The following MORN1 variants were observed in gnomAD, a reference collection of about 807,000 sequenced individuals.
MORN1 encodes the protein MORN repeat containing 1, also known as MORN repeat-containing protein 1.
In MORN1, 67 loss-of-function variants were observed where a neutral mutation model predicts 61.9. The observed-to-expected ratio is 1.08, with a 90% CI of 0.89 to 1.33. MORN1 has a LOEUF of 1.33. MORN1 is among the 40% of genes most tolerant of loss of function. MORN1 has a pLI of 0.00. For missense variants in MORN1, 752 were observed against 691.2 expected, an observed-to-expected ratio of 1.09 and a Z score of -0.99; for synonymous variants, 301 against 292.0, an observed-to-expected ratio of 1.03 and a Z score of -0.31.
intron 12 of MORN1, chr1:2,332,868 C>T (rs763467512): frequency 2.5e-4 from 97 of 381,542 alleles, no homozygotes; most frequent in Middle Eastern, 1.9e-3. Context: ...GGCTGCGCCT[C>T]GAGGGGCCAA....
chr1:2,333,971 G>A (rs934201819), intron 12 of MORN1, among the ~76,000 whole-genome samples: 1 of 152,188 alleles, frequency 6.6e-6, no homozygotes, highest in Non-Finnish European at 1.5e-5. Flanking sequence ...CTGGACGCTG[G>A]TTGGGGGAGC....
rs151302989 is a variant in MORN1, at chr1:2,388,282, G to C, written c.204C>G (p.Asp68Glu). The C allele has an allele frequency of 1.2e-6, 2 of 1,613,910 alleles. No individual in the cohort carries two copies. Among genetic ancestry groups the C allele is most frequent in the East Asian group, 2.2e-5 (1 of 44,878 alleles). The stretch of plus-strand genomic sequence containing the variant: ...GGCGGCCTTCTCCCGTGATCTCTCC[G>C]TCCACAAACGCCCCTTCGTAATAAC... ...DGSYYEGAFV[D>E]GEITGEGRRH... is the part of the protein sequence containing the mutation. The change falls in exon 3 of 14, where the codon GAC becomes GAG. Residue 68 changes from aspartate (D) to glutamate (E), a missense_variant. Transcript: ENST00000378531.
intron 6 of MORN1, chr1:2,378,703 G>A: frequency 1.1e-5 from 4 of 354,598 alleles, no homozygotes; most frequent in South Asian, 2.1e-5. Flanking sequence ...ACACACACGT[G>A]TGGCCTCTAC....
At chr1:2,322,466 G>C in intron 13 of MORN1, 1 of 985,380 alleles carries the variant, frequency 1.0e-6, no homozygotes, top group Non-Finnish European at 1.2e-6. Context: ...GCCAGGCCAC[G>C]GGCTCGGCCG....
chr1:2,342,565 C>T (rs899030501), intron 10 of MORN1, among the ~76,000 whole-genome samples: 1 of 152,192 alleles, frequency 6.6e-6, no homozygotes. Context: ...TCAGCGGGAA[C>T]ACGCGGGGGC....
chr1:2,366,412 G>A (rs1332645822), intron 8 of MORN1, among the ~76,000 whole-genome samples: 1 of 151,900 alleles, frequency 6.6e-6, no homozygotes, highest in African/African-American at 2.4e-5. Context: ...CACCAACATG[G>A]CACATGTATA....
At chr1:2,332,205 C>G (rs934815327) in intron 12 of MORN1, 2 of 198,942 alleles carry the variant, frequency 1.0e-5, no homozygotes, top group Non-Finnish European at 2.1e-5. Flanking sequence ...GCGGGGCTGC[C>G]TGTCCTCCTG....
In MORN1 at chr1:2,324,138, T is replaced by C; in HGVS notation, c.1256A>G (p.Glu419Gly). The C allele has an allele frequency of 6.3e-7, 1 of 1,599,016 alleles. No individual in the cohort carries two copies. The change falls in exon 13 of 14, where the codon GAG (glutamate) becomes GGG (glycine). Residue 419 changes from glutamate (E) to glycine (G), a missense_variant. By Grantham distance (98) the Glu-to-Gly change is moderately conservative. Coordinates refer to ENST00000378531, the MANE Select transcript of MORN1 (RefSeq NM_024848.3). ...AQEPPGGSRP[E>G]GRATEEQAAA... Reference sequence around the variant, plus strand: ...AGCCTGCTCCTCCGTGGCTCTCCCCTCAGGCCTGTGGAGACGACACAGTGA... The same window carrying C: ...AGCCTGCTCCTCCGTGGCTCTCCCCCCAGGCCTGTGGAGACGACACAGTGA...
intron 10 of MORN1, among the ~76,000 whole-genome samples, chr1:2,356,724 TG>T (rs1438115648): frequency 6.6e-6 from 1 of 152,204 alleles, no homozygotes; most frequent in African/African-American, 2.4e-5. Flanking sequence ...CACACTGTGC[TG>T]CGCGGGAGGG....
chr1:2,324,775 G>T (rs899365183), intron 12 of MORN1, among the ~76,000 whole-genome samples: 4 of 151,936 alleles, frequency 2.6e-5, no homozygotes, highest in African/African-American at 7.2e-5. Context: ...GGCAGTCTCT[G>T]GGGGGGCCCA....
chr1:2,324,158 C>T lies in MORN1; in HGVS notation c.1251-15G>A, dbSNP rs1380084282. 2 of 1,592,446 alleles carry T rather than the reference C, an allele frequency of 1.3e-6. No homozygotes were observed. The highest frequency in any genetic ancestry group is 1.7e-6 in the Non-Finnish European group (2 of 1,170,808). On this transcript the variant is annotated splice_polypyrimidine_tract_variant and intron_variant, in intron 12 of 13. Coordinates refer to ENST00000378531, the MANE Select transcript of MORN1 (RefSeq NM_024848.3). ...TCCCCTCAGGCCTGTGGAGACGACACAGTGAGGCCCCTGAATGCCCTGCCT... is the reference window on the plus strand; with the variant it reads ...TCCCCTCAGGCCTGTGGAGACGACATAGTGAGGCCCCTGAATGCCCTGCCT...
intron 3 of MORN1, 91 bp downstream of exon 3, chr1:2,388,148 C>T (rs1018555764): frequency 2.2e-5 from 22 of 1,002,826 alleles, no homozygotes; most frequent in East Asian, 1.4e-4. Context: ...CCCGTCTACA[C>T]GTCACGCCTT....
intron 10 of MORN1, among the ~76,000 whole-genome samples, chr1:2,341,995 T>C (rs1440092866): frequency 6.6e-6 from 1 of 152,260 alleles, no homozygotes; most frequent in Non-Finnish European, 1.5e-5. Context: ...TCTGGGGCAC[T>C]TCCCGAGCCA....
intron 12 of MORN1, chr1:2,332,069 AT>A (rs962563324): frequency 6.1e-5 from 10 of 162,802 alleles, no homozygotes; most frequent in African/African-American, 1.7e-4. Flanking sequence ...ATCTTTGTCG[AT>A]TTTTTTTTCA....
chr1:2,384,142 T>A (rs1642433864), intron 6 of MORN1, among the ~76,000 whole-genome samples: 1 of 152,216 alleles, frequency 6.6e-6, no homozygotes, highest in Non-Finnish European at 1.5e-5. Context: ...TCATTACATT[T>A]TTCCCCATTG....
chr1:2,390,841 T>C, intron 1 of MORN1: 1 of 720,050 alleles, frequency 1.4e-6, no homozygotes, highest in Non-Finnish European at 1.7e-6. Context: ...CTCCGCTTCC[T>C]GGGTTCAAGC....
chr1:2,325,477 C>G (rs558018941), intron 12 of MORN1, among the ~76,000 whole-genome samples: 11 of 151,018 alleles, frequency 7.3e-5, no homozygotes, highest in African/African-American at 2.4e-4. Context: ...TGCCACCATG[C>G]CCATGGGACC....
intron 6 of MORN1, among the ~76,000 whole-genome samples, chr1:2,383,266 C>T (rs990324886): frequency 6.6e-6 from 1 of 152,218 alleles, no homozygotes; most frequent in South Asian, 2.1e-4. Context: ...ACTTTAACTC[C>T]TATGGCCAGG....
intron 13 of MORN1, 57 bp downstream of exon 13, chr1:2,324,040 C>T (rs1283237297): frequency 1.3e-6 from 2 of 1,544,786 alleles, no homozygotes; most frequent in Non-Finnish European, 8.7e-7. Flanking sequence ...TGGGCTGCGG[C>T]CTCGCCTCTC....
Sources: gnomAD v4.1 joint callset for allele counts (sites outside exome capture counted in the v4.1 genomes callset) on GRCh38, gnomAD v4.1.1 for gene constraint, MANE v1.5 for transcripts, NCBI Gene and HGNC (gene_info 2026-07-23, HGNC 2026-07-21) for gene names.